The following HPS4 variants were observed in gnomAD, a reference collection of about 807,000 sequenced individuals.
The protein encoded by HPS4 is HPS4 biogenesis of lysosomal organelles complex 3 subunit 2.
Under a neutral mutation model 70.3 loss-of-function variants are expected in HPS4, and 44 were observed. The observed-to-expected ratio is 0.63, with a 90% confidence interval of 0.49 to 0.80. HPS4 has a LOEUF of 0.80. HPS4 is among the 30% of genes least tolerant of loss of function. The pLI is 0.00. For synonymous variants in HPS4, 377 were observed against 355.9 expected, an observed-to-expected ratio of 1.06 and a Z score of -0.67; for missense variants, 873 against 884.4, an observed-to-expected ratio of 0.99 and a Z score of 0.16.
chr22:26,465,968 C>T (rs1246893999), intron 9 of HPS4: 4 of 1,203,422 alleles, frequency 3.3e-6, no homozygotes, highest in Non-Finnish European at 4.7e-6. Flanking sequence ...TCTCCTGGCA[C>T]TTGACCGAGC....
chr22:26,466,673 T>C (rs2088682532), intron 8 of HPS4: 2 of 281,980 alleles, frequency 7.1e-6, no homozygotes, highest in African/African-American at 4.3e-5. Flanking sequence ...ATAATAAAAA[T>C]GTCAAAATAC....
At chr22:26,456,967 T>C (rs2086244290) in intron 13 of HPS4, among the ~76,000 whole-genome samples, 1 of 152,166 alleles carries the variant, frequency 6.6e-6, no homozygotes, top group South Asian at 2.1e-4. Context: ...TGACATAATG[T>C]GAAAAAAGAC....
rs757426392 is a variant in HPS4 at position 26,464,496 on chromosome 22, C to G, written c.1134G>C (p.Gln378His). The change falls in exon 11 of 14, where the codon CAG (glutamine) becomes CAC (histidine). Residue 378 changes from glutamine (Q) to histidine (H), a missense_variant. Transcript: ENST00000398145. ...AATGACCTGAGGCCATTTCCACTTC[C>G]TGAGCCTCTGGAATGTGGATTTCAG... ...DLSEIHIPEAQEVEMASGHFA... is the reference protein window; with the variant it reads ...DLSEIHIPEAHEVEMASGHFA... 6.2e-7 allele frequency: 1 copy of G among 1,614,228 alleles called. No homozygotes were observed. Among genetic ancestry groups the G allele is most frequent in the Admixed American group, 1.7e-5 (1 of 60,034 alleles).
Position 26,451,201 on chromosome 22 carries a change from G to A in HPS4, c.*2032C>T, listed in dbSNP as rs913043974. ...TCCAGCAAGAACATGCTGCTTGGCT[G>A]TCCGTCGCTTGGCCCGTACTCTGGG... is the stretch of plus-strand genomic sequence containing the variant. On this transcript the variant is annotated 3_prime_UTR_variant, in exon 14 of 14. Transcript: ENST00000398145. Among the ~76,000 whole-genome samples, 1 of 152,226 alleles carries A rather than the reference G, an allele frequency of 6.6e-6. No homozygotes were observed. Among genetic ancestry groups the A allele is most frequent in the African/African-American group, 2.4e-5 (1 of 41,466 alleles).
At chr22:26,470,676 G>C (rs2094165901) in intron 7 of HPS4, 43 bp downstream of exon 7, 2 of 1,588,722 alleles carry the variant, frequency 1.3e-6, no homozygotes, top group Non-Finnish European at 1.7e-6. Flanking sequence ...CAGTTGTGCA[G>C]CAAGGGAATG....
chr22:26,480,675 G>C (rs2091191448), intron 2 of HPS4, among the ~76,000 whole-genome samples: 1 of 152,130 alleles, frequency 6.6e-6, no homozygotes, highest in Admixed American at 6.5e-5. Flanking sequence ...CCAGCACTTT[G>C]AGAGGCCTAG....
At chr22:26,462,405 A>G (rs1453287139) in intron 11 of HPS4, among the ~76,000 whole-genome samples, 1 of 152,232 alleles carries the variant, frequency 6.6e-6, no homozygotes, top group Non-Finnish European at 1.5e-5. Flanking sequence ...GGAACCAGAA[A>G]CAAGCAAGAA....
intron 8 of HPS4, chr22:26,466,660 A>G (rs2088681179): frequency 6.8e-6 from 2 of 295,498 alleles, no homozygotes; most frequent in African/African-American, 4.3e-5. Context: ...CATAAATTCC[A>G]TTATAATAAA....
At chr22:26,456,383 G>A (rs1027241609) in intron 13 of HPS4, among the ~76,000 whole-genome samples, 4 of 152,192 alleles carry the variant, frequency 2.6e-5, no homozygotes, top group Non-Finnish European at 4.4e-5. Context: ...CCTTGAAGCC[G>A]GGCGTGGTGG....
chr22:26,462,755 G>A (rs1188455331), intron 11 of HPS4, among the ~76,000 whole-genome samples: 1 of 152,146 alleles, frequency 6.6e-6, no homozygotes, highest in Non-Finnish European at 1.5e-5. Context: ...ATTTAACACT[G>A]CAGCCACAAC....
intron 8 of HPS4, 121 bp from the exon 9 acceptor site, chr22:26,466,383 A>C (rs1244039528): frequency 2.8e-6 from 3 of 1,084,042 alleles, no homozygotes; most frequent in African/African-American, 1.5e-5. Context: ...AGCTTGTCCC[A>C]ACCACATGCT....
intron 4 of HPS4, among the ~76,000 whole-genome samples, chr22:26,474,772 T>C (rs2090296804): frequency 6.6e-6 from 1 of 152,178 alleles, no homozygotes; most frequent in Admixed American, 6.5e-5. Context: ...GGGCAGGGCT[T>C]TGAATGGACA....
At chr22:26,483,157 T>A (rs1280752196) in intron 1 of HPS4, among the ~76,000 whole-genome samples, 2 of 152,216 alleles carry the variant, frequency 1.3e-5, no homozygotes, top group African/African-American at 4.8e-5. Context: ...ACTCATTGTA[T>A]TCTATGGAGC....
At chr22:26,462,180 G>A (rs1355626853) in intron 11 of HPS4, among the ~76,000 whole-genome samples, 1 of 151,518 alleles carries the variant, frequency 6.6e-6, no homozygotes, top group Non-Finnish European at 1.5e-5. Flanking sequence ...CCATAAAACT[G>A]CAGTCTATTT....
In HPS4 at chr22:26,452,371, C is replaced by T. The variant is rs767814877; in HGVS notation, c.*862G>A. ...ACCACACAAGCCCAGGAACACACAG[C>T]TGAGTGTCGCTCCCTTTCACGCAGC... On this transcript the variant is annotated 3_prime_UTR_variant, in exon 14 of 14. Transcript: ENST00000398145. 2.2e-6 allele frequency: 1 copy of T among 456,664 alleles called. No homozygotes were observed. Among genetic ancestry groups the T allele is most frequent in the Admixed American group, 2.4e-5 (1 of 42,524 alleles). The allele number at this position is 456,664 out of a possible 1,614,324, so 28.3% of individuals were successfully genotyped here.
Position 26,464,671 on chromosome 22 carries a change from T to G in HPS4, c.959A>C (p.Asp320Ala). 2 of 1,611,702 alleles carry G rather than the reference T, an allele frequency of 1.2e-6. No individual in the cohort carries two copies. The highest frequency in any genetic ancestry group is 1.7e-6 in the Non-Finnish European group (2 of 1,177,948). Residue 320 changes from aspartate to alanine, a missense_variant, in exon 11 of 14, where the codon GAT becomes GCT. Asp to Ala is a moderately radical substitution (Grantham distance 126, BLOSUM62 -2). Transcript: ENST00000398145. ...DPTSPDEACP[D>A]GRKENGCLSG... ...CAAGCATCCGTTCTCCTTCCTGCCA[T>G]CTGGACAAGCTTCGTCAGGGGATGT...
rs2088076128 is a variant in HPS4 at position 26,464,544 on chromosome 22, A to G, written c.1086T>C (p.Phe362=). 3 of 1,614,162 alleles carry G rather than the reference A, an allele frequency of 1.9e-6. No individual in the cohort carries two copies. The highest frequency in any genetic ancestry group is 1.6e-4 in the Middle Eastern group (1 of 6,062). ...CAGACAAGTCGAGTTCTTCTTGGAG[A>G]AAGACTAGTTCCTTCCCCAGGGAGG... ...LSSSLGKELV[F]LQEELDLSEI... The change falls in exon 11 of 14, where the codon TTT becomes TTC. Residue 362 remains phenylalanine (F), a synonymous_variant. Coordinates refer to ENST00000398145, the MANE Select transcript of HPS4 (RefSeq NM_022081.6).
At position 26,464,546 on chromosome 22, in the gene HPS4, A is replaced by G. The variant is rs776612681; in HGVS notation, c.1084T>C (p.Phe362Leu). The G allele has an allele frequency of 1.9e-6, 3 of 1,614,074 alleles. No homozygotes were observed. Among genetic ancestry groups the G allele is most frequent in the African/African-American group, 2.7e-5 (2 of 74,918 alleles). The change falls in exon 11 of 14, where the codon TTT becomes CTT. Residue 362 changes from phenylalanine (F) to leucine (L), a missense_variant. Phe to Leu is a conservative substitution (Grantham distance 22). Coordinates refer to ENST00000398145, the MANE Select transcript of HPS4 (RefSeq NM_022081.6). ...GACAAGTCGAGTTCTTCTTGGAGAAAGACTAGTTCCTTCCCCAGGGAGGAG... is the reference window on the plus strand; with the variant it reads ...GACAAGTCGAGTTCTTCTTGGAGAAGGACTAGTTCCTTCCCCAGGGAGGAG... ...LSSSLGKELV[F>L]LQEELDLSEI...
At chr22:26,483,813 TC>T, upstream of HPS4, 2 of 1,148,672 alleles carry the variant, frequency 1.7e-6, no homozygotes, top group Non-Finnish European at 2.2e-6. Context: ...CCCGCCTACC[TC>T]CCCCTCCAGC....
Sources: gnomAD v4.1 joint callset for allele counts (sites outside exome capture counted in the v4.1 genomes callset) on GRCh38, gnomAD v4.1.1 for gene constraint, MANE v1.5 for transcripts, NCBI Gene and HGNC (gene_info 2026-07-23, HGNC 2026-07-21) for gene names.